The following KCNAB2 variants were observed in gnomAD, a reference collection of about 807,000 sequenced individuals.
The protein encoded by KCNAB2 is voltage-gated potassium channel subunit beta-2.
A neutral mutation model predicts 63.6 loss-of-function variants in KCNAB2; 29 were observed. That is an observed-to-expected ratio of 0.46 (90% CI 0.34 to 0.62). The LOEUF is 0.62. Ranked by LOEUF, KCNAB2 falls within the 20% of genes least tolerant of loss-of-function variation. The pLI is 0.01. For missense variants in KCNAB2, 359 were observed against 563.9 expected (o/e 0.64, Z 3.68); for synonymous variants, 222 against 224.2 (o/e 0.99, Z 0.09).
chr1:6,004,754 A>G (rs991017862), intron 1 of KCNAB2, among the ~76,000 whole-genome samples: 8 of 152,178 alleles, frequency 5.3e-5, no homozygotes, highest in Non-Finnish European at 8.8e-5. Context: ...CCACATCGAC[A>G]GGTAACTGGG....
At chr1:6,097,213 C>T (rs1665716332) in intron 14 of KCNAB2, 56 bp from the exon 15 acceptor site, 6 of 1,494,388 alleles carry the variant, frequency 4.0e-6, no homozygotes, top group Non-Finnish European at 5.4e-6. Context: ...AAGGCAGACC[C>T]ATCAGGGGCC....
intron 1 of KCNAB2, among the ~76,000 whole-genome samples, chr1:6,049,548 G>T (rs567282212): frequency 6.6e-6 from 1 of 152,238 alleles, no homozygotes; most frequent in Admixed American, 6.5e-5. Flanking sequence ...GTGCAGAGGT[G>T]CAGACAGCAC....
At chr1:6,067,510 G>C (rs943232321) in intron 2 of KCNAB2, among the ~76,000 whole-genome samples, 1 of 152,182 alleles carries the variant, frequency 6.6e-6, no homozygotes, top group Non-Finnish European at 1.5e-5. Context: ...TGTGAAAACC[G>C]TGTCATCTAA....
intron 1 of KCNAB2, among the ~76,000 whole-genome samples, chr1:6,025,836 CCCCAGCACACAGCCGAT>C (rs796632216): frequency 2.1e-3 from 250 of 119,844 alleles, no homozygotes; most frequent in Middle Eastern, 3.7e-3. Flanking sequence ...GGGCAGCCCA[CCCCAGCACACAGCCGAT>C]CCCGGCACAC....
chr1:6,071,015 C>A lies in KCNAB2; in HGVS notation c.219-1740C>A, dbSNP rs1557480219. Among the ~76,000 whole-genome samples the A allele has an allele frequency of 6.6e-6, 1 of 152,046 alleles. No homozygotes were observed. Among genetic ancestry groups the A allele is most frequent in the South Asian group, 2.1e-4 (1 of 4,826 alleles). On this transcript the variant is annotated intron_variant, in intron 2 of 15. Coordinates refer to ENST00000378083, the MANE Select transcript of KCNAB2 (RefSeq NM_001199862.2). The surrounding 1 kb of genome is among the most constrained non-coding windows in gnomAD (Gnocchi z 8.5). ...AATAAACCTAGGCAATTTTAAAGTACCTTCAGTTTGGTGACACGTTCAACT... is the reference window on the plus strand; with the variant it reads ...AATAAACCTAGGCAATTTTAAAGTAACTTCAGTTTGGTGACACGTTCAACT...
chr1:6,097,984 T>A (rs1665786520), intron 15 of KCNAB2: 2 of 176,304 alleles, frequency 1.1e-5, no homozygotes, highest in East Asian at 1.8e-4. Flanking sequence ...TGGTGGGAAG[T>A]GGCAGCTGCG....
chr1:6,021,516 A>G (rs1658815386), intron 1 of KCNAB2, among the ~76,000 whole-genome samples: 1 of 152,272 alleles, frequency 6.6e-6, no homozygotes. Context: ...TATTAAGTGT[A>G]TAGTTCAGTG....
At chr1:6,080,492 C>T (rs1032201939) in intron 4 of KCNAB2, among the ~76,000 whole-genome samples, 10 of 152,190 alleles carry the variant, frequency 6.6e-5, no homozygotes, top group Admixed American at 4.6e-4. Context: ...AACAGAGCCC[C>T]GGCAGGTGGA....
chr1:6,040,403 C>A, intron 1 of KCNAB2: 1 of 653,880 alleles, frequency 1.5e-6, no homozygotes. Flanking sequence ...TCCCCGATGC[C>A]CTGAACCCAG....
intron 2 of KCNAB2, among the ~76,000 whole-genome samples, chr1:6,059,637 G>GGA (rs397935629): frequency 6.6e-6 from 1 of 152,092 alleles, no homozygotes; most frequent in Admixed American, 6.5e-5. Context: ...GTCTCAAAGG[G>GGA]TGCTTCTGAG....
At position 6,037,967 on chromosome 1, in the gene KCNAB2, C is replaced by T. The variant is rs1237086139; in HGVS notation, c.-52-2550C>T. On this transcript the variant is annotated intron_variant, in intron 1 of 15. Coordinates refer to the KCNAB2 transcript ENST00000164247. Reference sequence around the variant, plus strand: ...TCGGCTCACTGCAAGCTCCGTCTCCCGGGTTCACGCCATTCTCCTGCCTCA... The same window carrying T: ...TCGGCTCACTGCAAGCTCCGTCTCCTGGGTTCACGCCATTCTCCTGCCTCA... Among the ~76,000 whole-genome samples, 3 of 151,330 alleles carry T rather than the reference C, an allele frequency of 2.0e-5. No homozygotes were observed. In the East Asian group the frequency reaches 5.9e-4, roughly 30 times the overall value.
chr1:6,025,358 A>T lies in KCNAB2; in HGVS notation c.-52-15159A>T, dbSNP rs188582739. Among the ~76,000 whole-genome samples, 50 of 152,138 alleles carry T rather than the reference A, an allele frequency of 3.3e-4. No individual in the cohort carries two copies. The South Asian group carries it at 7.3e-3, about 22-fold the overall frequency. ...GGCACCATGGGAGATGGAATGTTCCACCCGAGTCCTCCCTTTGCCTGGTAC... is the reference window on the plus strand; with the variant it reads ...GGCACCATGGGAGATGGAATGTTCCTCCCGAGTCCTCCCTTTGCCTGGTAC... On this transcript the variant is annotated intron_variant, in intron 1 of 16. Transcript: ENST00000341524.
intron 2 of KCNAB2, among the ~76,000 whole-genome samples, chr1:6,063,071 G>A (rs1029361961): frequency 7.1e-4 from 107 of 150,702 alleles, no homozygotes; most frequent in African/African-American, 2.5e-3. Context: ...CTGTCGCCCA[G>A]GCTAGAGTGC....
intron 1 of KCNAB2, among the ~76,000 whole-genome samples, chr1:6,012,713 G>T (rs915105297): frequency 1.3e-5 from 2 of 151,836 alleles, no homozygotes; most frequent in Admixed American, 6.6e-5. Flanking sequence ...AGGTGGAGAG[G>T]GTAGAGGTCA....
chr1:6,081,121 A>G (rs1177615913), intron 4 of KCNAB2, among the ~76,000 whole-genome samples: 1 of 152,226 alleles, frequency 6.6e-6, no homozygotes, highest in Non-Finnish European at 1.5e-5. Context: ...TTCTTTGCTC[A>G]TGGAGCACAA....
At position 6,086,975 on chromosome 1, in the gene KCNAB2, G is replaced by A. The variant is rs890176920; in HGVS notation, c.426-492G>A. ...ACACGTGTCACATTCTGTAGGGAAC[G>A]TTGCAGAGAGCTTCCCTGCCTGCCT... On this transcript the variant is annotated intron_variant, in intron 6 of 15. Transcript: ENST00000378083. The surrounding 1 kb of genome is among the most constrained non-coding windows in gnomAD (Gnocchi z 4.2). Among the ~76,000 whole-genome samples the A allele has an allele frequency of 6.6e-6, 1 of 152,004 alleles. No individual in the cohort carries two copies. The highest frequency in any genetic ancestry group is 2.4e-5 in the African/African-American group (1 of 41,358).
intron 1 of KCNAB2, among the ~76,000 whole-genome samples, chr1:6,015,434 A>T (rs1421061540): frequency 1.3e-5 from 2 of 152,318 alleles, no homozygotes; most frequent in East Asian, 3.9e-4. Flanking sequence ...GAACACAGCC[A>T]CGCCCTTCAT....
chr1:6,052,819 G>A (rs936306160), intron 2 of KCNAB2, among the ~76,000 whole-genome samples: 3 of 152,080 alleles, frequency 2.0e-5, no homozygotes, highest in Admixed American at 6.5e-5. Context: ...GCATAAATAC[G>A]TTCCATGCAA....
At chr1:6,045,155 T>G (rs1329521410), upstream of KCNAB2, among the ~76,000 whole-genome samples, 1 of 152,186 alleles carries the variant, frequency 6.6e-6, no homozygotes, top group Non-Finnish European at 1.5e-5. This position sits in a 1 kb window ranked among gnomAD's most constrained non-coding sequence, Gnocchi z 4.8. Context: ...ACACTGCGAC[T>G]GGGGCACTGA....
Sources: allele counts gnomAD v4.1 joint callset (sites outside exome capture counted in the v4.1 genomes callset), GRCh38; gene constraint gnomAD v4.1.1; non-coding constraint Gnocchi (gnomAD v3.1); transcripts MANE v1.5; gene names NCBI Gene and HGNC (gene_info 2026-07-23, HGNC 2026-07-21).